Variants in FAM186A observed in about 807,000 individuals in gnomAD.
FAM186A encodes family with sequence similarity 186 member A.
FAM186A carries 163 observed loss-of-function variants against 216.8 expected under a neutral mutation model. The observed-to-expected ratio is 0.75, with a 90% CI of 0.66 to 0.86. The LOEUF is 0.86. FAM186A is among the 40% of genes least tolerant of loss of function. FAM186A has a pLI of 0.00. For missense variants in FAM186A, 2,184 were observed against 2,746.2 expected (o/e 0.80, Z 4.58); for synonymous variants, 805 against 1,025.3 (o/e 0.79, Z 4.10).
Position 50,330,755 on chromosome 12 carries a change from T to C in FAM186A, c.6852A>G (p.Gln2284=). 6.6e-7 allele frequency: 1 copy of C among 1,514,962 alleles called. No homozygotes were observed. Among genetic ancestry groups the C allele is most frequent in the Non-Finnish European group, 8.8e-7 (1 of 1,134,574 alleles). The allele number at this position is 1,514,962 out of a possible 1,614,324, so 93.8% of individuals were successfully genotyped here. ...AGATGGCCTCTGTCTGGTCCTCTTG[T>C]TGCCTACAGAATCAGCATAAATTGG... ...RTSDICKKFR[Q]QEDQTEAIWN... Residue 2284 remains glutamine, a synonymous_variant, in exon 7 of 8, where the codon CAA becomes CAG. Coordinates refer to ENST00000327337, the MANE Select transcript of FAM186A (RefSeq NM_001145475.3).
In FAM186A at chr12:50,351,204, A is replaced by G; in HGVS notation, c.5628T>C (p.Ser1876=). 2.6e-6 allele frequency: 4 copies of G among 1,551,680 alleles called. No individual in the cohort carries two copies. In the South Asian group the frequency reaches 3.6e-5, roughly 14 times the overall value. ...GCTGCTCAGAGAAGGTTAAGGGTCCAGATTCCAGGAGGTCCCCAGGGATGG... is the reference window on the plus strand; with the variant it reads ...GCTGCTCAGAGAAGGTTAAGGGTCCGGATTCCAGGAGGTCCCCAGGGATGG... ...ASSIPGDLLE[S]GPLTFSEQLQ... is the part of the protein sequence containing the mutation. Residue 1876 remains serine, a synonymous_variant, in exon 4 of 8, where the codon TCT becomes TCC. Coordinates refer to ENST00000327337, the MANE Select transcript of FAM186A (RefSeq NM_001145475.3).
At chr12:50,335,849 G>A (rs1439793219) in intron 4 of FAM186A, among the ~76,000 whole-genome samples, 1 of 151,678 alleles carries the variant, frequency 6.6e-6, no homozygotes, top group African/African-American at 2.4e-5. Flanking sequence ...AATAAGGCCG[G>A]GCGCAGTGGC....
At chr12:50,341,151 G>A (rs1056356720) in intron 4 of FAM186A, among the ~76,000 whole-genome samples, 5 of 152,196 alleles carry the variant, frequency 3.3e-5, no homozygotes, top group East Asian at 1.9e-4. Flanking sequence ...ATATTTCACC[G>A]ATCATGAGGG....
At chr12:50,360,699 T>C in intron 3 of FAM186A, 57 bp downstream of exon 3, 6 of 1,422,674 alleles carry the variant, frequency 4.2e-6, no homozygotes, top group Non-Finnish European at 5.5e-6. Flanking sequence ...AAGTTGTTTC[T>C]CTAAGAAAAA....
chr12:50,350,924 G>A lies in FAM186A; in HGVS notation c.5908C>T (p.His1970Tyr). ...ACCTTGAAATCTGGAGCACTAGGAT[G>A]GATCAATACTGATTTAGATTTCAGA... Reference protein sequence around the residue: ...SSLKSKSVLIHPSAPDFKVAQ... With the variant: ...SSLKSKSVLIYPSAPDFKVAQ... The change falls in exon 4 of 8, where the codon CAT becomes TAT. Residue 1970 changes from histidine to tyrosine, a missense_variant. Transcript: ENST00000327337. The A allele has an allele frequency of 6.4e-7, 1 of 1,551,256 alleles. No homozygotes were observed. Among genetic ancestry groups the A allele is most frequent in the Non-Finnish European group, 8.7e-7 (1 of 1,146,848 alleles).
chr12:50,360,452 A>G (rs1234348120), intron 3 of FAM186A, among the ~76,000 whole-genome samples: 1 of 150,826 alleles, frequency 6.6e-6, no homozygotes, highest in East Asian at 1.9e-4. Context: ...TGGAAGGCCG[A>G]GGCAGGTGGA....
rs1322159057 is a variant in FAM186A at position 50,330,637 on chromosome 12, G to A, written c.6970C>T (p.Pro2324Ser). The change falls in exon 7 of 8, where the codon CCC becomes TCC. Residue 2324 changes from proline to serine, a missense_variant. Transcript: ENST00000327337. ...TGCACTTCTAACTGAAGCAGCCTGG[G>A]AATATCTGGGTACCCACCCAGCTGG... ...WAQLGGYPDIPRLLQLEVQST... is the reference protein window; with the variant it reads ...WAQLGGYPDISRLLQLEVQST... The A allele has an allele frequency of 1.3e-6, 2 of 1,550,570 alleles. No individual in the cohort carries two copies. Among genetic ancestry groups the A allele is most frequent in the South Asian group, 2.4e-5 (2 of 83,586 alleles).
chr12:50,337,714 G>A (rs1942723581), intron 4 of FAM186A, among the ~76,000 whole-genome samples: 1 of 151,852 alleles, frequency 6.6e-6, no homozygotes, highest in Non-Finnish European at 1.5e-5. Context: ...TGGCCAACAC[G>A]GTGAAACCCC....
chr12:50,363,157 A>T lies in FAM186A; in HGVS notation c.400T>A (p.Leu134Met), dbSNP rs1457492053. ...EKTLANILAW[L>M]EEWNDVLSEM... ...TCTGTAAACTTACTCCATTCTTCCA[A>T]CCAGGCCAGAATGTTGGCAAGAGTC... The change falls in exon 2 of 8, where the codon TTG becomes ATG. Residue 134 changes from leucine to methionine, a missense_variant. By Grantham distance (15) the Leu-to-Met change is conservative. Coordinates refer to ENST00000327337, the MANE Select transcript of FAM186A (RefSeq NM_001145475.3). The T allele has an allele frequency of 1.3e-6, 2 of 1,548,346 alleles. No homozygotes were observed. The highest frequency in any genetic ancestry group is 2.4e-5 in the East Asian group (1 of 40,868).
At position 50,365,013 on chromosome 12, in the gene FAM186A, G is replaced by A. The variant is rs1943073965; in HGVS notation, c.193-1649C>T. Reference sequence around the variant, plus strand: ...AGATCGCACCATTGCACTCCAGCCTGGGCAACAAGAGTGAAACTCCGTCTC... The same window carrying A: ...AGATCGCACCATTGCACTCCAGCCTAGGCAACAAGAGTGAAACTCCGTCTC... On this transcript the variant is annotated intron_variant, in intron 1 of 7. Coordinates refer to ENST00000327337, the MANE Select transcript of FAM186A (RefSeq NM_001145475.3). 2.5e-5 allele frequency among the ~76,000 whole-genome samples: 3 copies of A among 119,152 alleles called. No individual in the cohort carries two copies. The South Asian group carries it at 7.7e-4, about 31-fold the overall frequency. The allele number at this position is 119,152 out of a possible 152,430, so 78.2% of individuals were successfully genotyped here.
In FAM186A at chr12:50,353,725, A is replaced by C. The variant is rs1288554610; in HGVS notation, c.3107T>G (p.Leu1036Ter). ...CTCCTTTTCATCAGGAAGGTTCTCT[A>C]ATGTCTTCAGATTCCTCTGAAACTC... ...GKEFQRNLKT[L>*]ENLPDEKEPI... The change falls in exon 4 of 8, where the codon TTA becomes TGA. Residue 1036 changes from leucine to a stop codon, truncating the protein, a stop_gained. Transcript: ENST00000327337. LOFTEE classifies it high-confidence loss of function. The C allele has an allele frequency of 6.5e-7, 1 of 1,548,310 alleles. No homozygotes were observed. Among genetic ancestry groups the C allele is most frequent in the Non-Finnish European group, 8.7e-7 (1 of 1,145,904 alleles).
rs1452116294 is a variant in FAM186A, at chr12:50,351,192, G to A, written c.5640C>T (p.Thr1880=). The A allele has an allele frequency of 1.3e-4, 202 of 1,551,616 alleles. 1 individual carries two copies. In the East Asian group the frequency reaches 4.8e-3, roughly 37 times the overall value. ...GGAATTCCTGGAGCTGCTCAGAGAA[G>A]GTTAAGGGTCCAGATTCCAGGAGGT... ...PGDLLESGPL[T]FSEQLQEFQP... Residue 1880 remains threonine (T), a synonymous_variant, in exon 4 of 8, where the codon ACC becomes ACT. Coordinates refer to ENST00000327337, the MANE Select transcript of FAM186A (RefSeq NM_001145475.3).
rs199764940 is a variant in FAM186A at position 50,390,841 on chromosome 12, C to T, written c.192+5452G>A. 9.9e-5 allele frequency among the ~76,000 whole-genome samples: 15 copies of T among 152,194 alleles called. No individual in the cohort carries two copies. The East Asian group carries it at 2.5e-3, about 25-fold the overall frequency. On this transcript the variant is annotated intron_variant, in intron 1 of 7. Transcript: ENST00000327337. The stretch of plus-strand genomic sequence containing the variant: ...CAGCATTTTGGGAGGCCGAGGTAGC[C>T]ACCACCCCTGGCTAATTGTTGTATG...
rs779637297 is a variant in FAM186A, at chr12:50,355,765, G to C, written c.1067C>G (p.Pro356Arg). The C allele has an allele frequency of 6.4e-7, 1 of 1,551,514 alleles. No individual in the cohort carries two copies. The highest frequency in any genetic ancestry group is 1.2e-5 in the South Asian group (1 of 84,060). ...TSSTLKVLPG[P>R]SPQSSRAIIK... ...TATCGCCCTGGATGACTGTGGAGAA[G>C]GTCCAGGTAACACTTTCAAGGTTGA... Residue 356 changes from proline (P) to arginine (R), a missense_variant, in exon 4 of 8, where the codon CCT becomes CGT. Physicochemically the swap from Pro to Arg is moderately radical, Grantham distance 103. Around this residue, in one of 7 missense-constraint regions of FAM186A, gnomAD observed 1,132 missense variants for 1,263.4 expected, o/e 0.90. Coordinates refer to ENST00000327337, the MANE Select transcript of FAM186A (RefSeq NM_001145475.3).
At position 50,351,715 on chromosome 12, in the gene FAM186A, T is replaced by C; in HGVS notation, c.5117A>G (p.Lys1706Arg). ...TGGTCTATGGGACCACTGGACTTGCTTAAGGGTGAGGGGCGATCCCAAGGT... is the reference window on the plus strand; with the variant it reads ...TGGTCTATGGGACCACTGGACTTGCCTAAGGGTGAGGGGCGATCCCAAGGT... Reference protein sequence around the residue: ...AHTLGSPLTLKQVQWSHRPFQ... With the variant: ...AHTLGSPLTLRQVQWSHRPFQ... Residue 1706 changes from lysine to arginine, a missense_variant, in exon 4 of 8, where the codon AAG (lysine) becomes AGG (arginine). Transcript: ENST00000327337. 2 of 1,551,548 alleles carry C rather than the reference T, an allele frequency of 1.3e-6. No individual in the cohort carries two copies. Among genetic ancestry groups the C allele is most frequent in the Non-Finnish European group, 1.7e-6 (2 of 1,146,892 alleles).
intron 3 of FAM186A, among the ~76,000 whole-genome samples, chr12:50,357,692 G>A (rs936784817): frequency 2.0e-5 from 3 of 152,086 alleles, no homozygotes; most frequent in East Asian, 1.9e-4. Context: ...AAAAACTACC[G>A]AACCTCAGTA....
intron 1 of FAM186A, among the ~76,000 whole-genome samples, chr12:50,374,658 G>GATAAAGAGCATTTACA (rs1375598161): frequency 2.0e-4 from 31 of 152,294 alleles, no homozygotes; most frequent in African/African-American, 7.2e-4. Flanking sequence ...TCCTCAACCT[G>GATAAAGAGCATTTACA]ATAAAGAGCA....
chr12:50,343,642 G>A (rs1039086602), intron 4 of FAM186A, among the ~76,000 whole-genome samples: 16 of 150,346 alleles, frequency 1.1e-4, no homozygotes, highest in Non-Finnish European at 1.3e-4. Flanking sequence ...TCTTTGAGAC[G>A]GAGTCTCGCT....
At position 50,350,329 on chromosome 12, in the gene FAM186A, C is replaced by T; in HGVS notation, c.6503G>A (p.Arg2168Lys). Residue 2168 changes from arginine (R) to lysine (K), a missense_variant and splice_region_variant, in exon 4 of 8, where the codon AGG (arginine) becomes AAG (lysine). Around this residue, in one of 7 missense-constraint regions of FAM186A, gnomAD observed 721 missense variants for 816.4 expected, o/e 0.88. Coordinates refer to ENST00000327337, the MANE Select transcript of FAM186A (RefSeq NM_001145475.3). ...ACTAGACGTAAATAATTATATCTAC[C>T]TGGCATGCTGGATCAGCCTATAGGC... is the stretch of plus-strand genomic sequence containing the variant. ...YIAYRLIQHA[R>K]NNIMKRLKAI... 1 of 1,519,592 alleles carries T rather than the reference C, an allele frequency of 6.6e-7. No homozygotes were observed. The highest frequency in any genetic ancestry group is 1.3e-5 in the South Asian group (1 of 79,324). The allele number at this position is 1,519,592 out of a possible 1,614,324, so 94.1% of individuals were successfully genotyped here. A position where few individuals can be genotyped will look rare whatever the true frequency, so the allele number is the denominator to read the frequency against.
Sources: allele counts gnomAD v4.1 joint callset (sites outside exome capture counted in the v4.1 genomes callset), GRCh38; gene constraint gnomAD v4.1.1; regional missense constraint gnomAD v4.1.1; transcripts MANE v1.5; gene names NCBI Gene and HGNC (gene_info 2026-07-23, HGNC 2026-07-21).